The following ESCO1 variants were observed in gnomAD, a reference collection of about 807,000 sequenced individuals.
The protein encoded by ESCO1 is establishment of sister chromatid cohesion N-acetyltransferase 1.
ESCO1 carries 33 observed loss-of-function variants against 83.5 expected under a neutral mutation model. That is an observed-to-expected ratio of 0.40 (90% confidence interval 0.30 to 0.53). ESCO1 has a LOEUF of 0.53. Ranked by LOEUF, ESCO1 falls within the 20% of genes least tolerant of loss-of-function variation. ESCO1 has a pLI of 0.63. For synonymous variants in ESCO1, 332 were observed against 324.3 expected (o/e 1.02, Z -0.25); for missense variants, 855 against 968.0 (o/e 0.88, Z 1.55).
At chr18:21,531,544 A>C (rs2037766710) in intron 11 of ESCO1, among the ~76,000 whole-genome samples, 1 of 148,616 alleles carries the variant, frequency 6.7e-6, no homozygotes, top group African/African-American at 2.5e-5. Context: ...CTAGGGCCAG[A>C]CGCGATGGCT....
chr18:21,570,431 A>G (rs2038324619), intron 4 of ESCO1, among the ~76,000 whole-genome samples: 1 of 152,220 alleles, frequency 6.6e-6, no homozygotes, highest in Admixed American at 6.5e-5. Flanking sequence ...AAGAAAAGAT[A>G]AACTTGTTGT....
rs535430740 is a variant in ESCO1, at chr18:21,539,287, T to TA, written c.2043+632_2043+633insT. Among the ~76,000 whole-genome samples, 322 of 152,314 alleles carry TA rather than the reference T, an allele frequency of 2.1e-3. 1 individual carries two copies. The highest frequency in any genetic ancestry group is 7.5e-3 in the African/African-American group (313 of 41,578). On this transcript the variant is annotated intron_variant, in intron 9 of 11. Transcript: ENST00000269214. The stretch of plus-strand genomic sequence containing the variant: ...CAAATTATTATAATTCAGCTTTTAT[T>TA]TCTGATCGTGAAATCTTTTAGTTGG...
At position 21,536,030 on chromosome 18, in the gene ESCO1, T is replaced by C; in HGVS notation, c.2187+12A>G. 1.2e-6 allele frequency: 2 copies of C among 1,612,584 alleles called. No homozygotes were observed. The highest frequency in any genetic ancestry group is 1.7e-6 in the Non-Finnish European group (2 of 1,179,444). ...ACACCAAATTACTTAAGAACACTCT[T>C]TTATCACTTACCCATTGGATATGTT... On this transcript the variant is annotated intron_variant, in intron 10 of 11. Transcript: ENST00000269214.
In ESCO1 at chr18:21,535,217, A is replaced by AT. The variant is rs71178182; in HGVS notation, c.2187+824dup. On this transcript the variant is annotated intron_variant, in intron 10 of 11. Coordinates refer to ENST00000269214, the MANE Select transcript of ESCO1 (RefSeq NM_052911.3). ...CAAAATAAACTTTGATAGTATTCTG[A>AT]TTTTTTTTTTTTTTTGAGACGGAGT... Among the ~76,000 whole-genome samples the AT allele has an allele frequency of 2.7e-3, 387 of 142,496 alleles. 1 individual carries two copies. Among genetic ancestry groups the AT allele is most frequent in the Middle Eastern group, 0.014 (4 of 280 alleles). The allele number at this position is 142,496 out of a possible 152,430, so 93.5% of individuals were successfully genotyped here.
At chr18:21,592,410 G>A (rs1269879704) in intron 1 of ESCO1, among the ~76,000 whole-genome samples, 4 of 148,174 alleles carry the variant, frequency 2.7e-5, no homozygotes, top group African/African-American at 5.0e-5. Flanking sequence ...CAGATGGGGC[G>A]GCTGGCCGGG....
At chr18:21,542,046 A>T (rs1279855481) in intron 8 of ESCO1, among the ~76,000 whole-genome samples, 1 of 152,218 alleles carries the variant, frequency 6.6e-6, no homozygotes, top group Non-Finnish European at 1.5e-5. Flanking sequence ...TCACAATTCC[A>T]TTTGATATAA....
intron 11 of ESCO1, among the ~76,000 whole-genome samples, chr18:21,532,211 T>C (rs979357529): frequency 2.0e-5 from 3 of 152,216 alleles, no homozygotes; most frequent in African/African-American, 2.4e-5. Flanking sequence ...GCAGGTTATT[T>C]TGGCCTAACA....
At chr18:21,557,749 AGTTCCTGATAG>A (rs953457626) in intron 8 of ESCO1, among the ~76,000 whole-genome samples, 15 of 152,338 alleles carry the variant, frequency 9.8e-5, no homozygotes, top group Non-Finnish European at 1.5e-4. Flanking sequence ...AATATAGCTG[AGTTCCTGATAG>A]GTTCCTGATA....
At chr18:21,530,992 A>G (rs2037760278) in intron 11 of ESCO1, among the ~76,000 whole-genome samples, 1 of 152,222 alleles carries the variant, frequency 6.6e-6, no homozygotes, top group Non-Finnish European at 1.5e-5. Flanking sequence ...ATCCTAAAAA[A>G]TTCACAAAAA....
At chr18:21,571,785 A>G (rs1306325853) in intron 4 of ESCO1, among the ~76,000 whole-genome samples, 1 of 152,214 alleles carries the variant, frequency 6.6e-6, no homozygotes, top group Non-Finnish European at 1.5e-5. Flanking sequence ...GCACAAAGCC[A>G]CAACTTATTA....
At position 21,574,957 on chromosome 18, in the gene ESCO1, C is replaced by T; in HGVS notation, c.-114G>A. 1.3e-6 allele frequency: 1 copy of T among 752,428 alleles called. No homozygotes were observed. The highest frequency in any genetic ancestry group is 2.0e-6 in the Non-Finnish European group (1 of 489,074). The allele number at this position is 752,428 out of a possible 1,614,324, so 46.6% of individuals were successfully genotyped here. ...CTGAGGAGCAGGTCTGAAAAATCAACTTTAACTGATGCTGATATACATTTT... is the reference window on the plus strand; with the variant it reads ...CTGAGGAGCAGGTCTGAAAAATCAATTTTAACTGATGCTGATATACATTTT... On this transcript the variant is annotated 5_prime_UTR_variant, in exon 4 of 12. Coordinates refer to ENST00000269214, the MANE Select transcript of ESCO1 (RefSeq NM_052911.3).
chr18:21,565,259 CTAAA>C (rs1433602356), intron 6 of ESCO1, among the ~76,000 whole-genome samples: 3 of 152,184 alleles, frequency 2.0e-5, no homozygotes, highest in East Asian at 1.9e-4. Flanking sequence ...CCAATTTGTA[CTAAA>C]TACTGTTTGT....
intron 2 of ESCO1, among the ~76,000 whole-genome samples, chr18:21,582,517 A>G (rs2038516637): frequency 6.6e-6 from 1 of 152,174 alleles, no homozygotes; most frequent in African/African-American, 2.4e-5. Flanking sequence ...AGGCATTACC[A>G]TGTCCAGCCA....
chr18:21,532,552 T>C lies in ESCO1; in HGVS notation c.2296A>G (p.Ile766Val), dbSNP rs1296787931. Residue 766 changes from isoleucine (I) to valine (V), a missense_variant, in exon 11 of 12, where the codon ATC (isoleucine) becomes GTC (valine). Ile to Val is a conservative substitution (Grantham distance 29). This residue lies in a region of ESCO1 where 129 missense variants were observed against 268.5 expected (regional missense o/e 0.48). Coordinates refer to ENST00000269214, the MANE Select transcript of ESCO1 (RefSeq NM_052911.3). ...ACCCATATTCGACTGATCCCGCAGA[T>C]TGCAGGCTCTGGTAATGTTGAGCAG... is the stretch of plus-strand genomic sequence containing the variant. The part of the protein sequence containing the change: ...WCCSTLPEPA[I>V]CGISRIWVFS... 6.8e-6 allele frequency: 11 copies of C among 1,614,180 alleles called. No individual in the cohort carries two copies. Among genetic ancestry groups the C allele is most frequent in the East Asian group, 2.2e-5 (1 of 44,886 alleles).
intron 6 of ESCO1, among the ~76,000 whole-genome samples, chr18:21,564,857 C>A (rs1054235738): frequency 6.6e-6 from 1 of 151,408 alleles, no homozygotes; most frequent in African/African-American, 2.4e-5. Context: ...CTCAGGAGAT[C>A]GCGACCAGCC....
intron 7 of ESCO1, 109 bp downstream of exon 7, chr18:21,564,094 C>A: frequency 2.7e-6 from 2 of 742,884 alleles, no homozygotes; most frequent in South Asian, 3.3e-5. Flanking sequence ...GCCAAATAAA[C>A]CTCTTTTCTA....
Position 21,574,495 on chromosome 18 carries a change from G to C in ESCO1, c.349C>G (p.Gln117Glu), listed in dbSNP as rs1443163071. 6 of 1,614,022 alleles carry C rather than the reference G, an allele frequency of 3.7e-6. No homozygotes were observed. Among genetic ancestry groups the C allele is most frequent in the Non-Finnish European group, 4.2e-6 (5 of 1,180,010 alleles). The change falls in exon 4 of 12, where the codon CAG (glutamine) becomes GAG (glutamate). Residue 117 changes from glutamine (Q) to glutamate (E), a missense_variant. Around this residue, in one of 2 missense-constraint regions of ESCO1, gnomAD observed 726 missense variants for 699.5 expected, o/e 1.04. Transcript: ENST00000269214. ...LVHENPKANE[Q>E]LNRRSQRLQQ... ...AGCCTTTGTGATCTCCGGTTAAGCT[G>C]TTCATTTGCTTTAGGGTTTTCATGT... is the stretch of plus-strand genomic sequence containing the variant.
chr18:21,564,150 T>C, intron 7 of ESCO1, 53 bp downstream of exon 7: 4 of 1,135,204 alleles, frequency 3.5e-6, no homozygotes, highest in Non-Finnish European at 5.2e-6. Context: ...ACATGAAATA[T>C]ACTAAGATGG....
Position 21,574,368 on chromosome 18 carries a change from T to C in ESCO1, c.476A>G (p.Gln159Arg), listed in dbSNP as rs2038388795. 6.2e-7 allele frequency: 1 copy of C among 1,613,996 alleles called. No homozygotes were observed. Among genetic ancestry groups the C allele is most frequent in the African/African-American group, 1.3e-5 (1 of 74,938 alleles). Reference protein sequence around the residue: ...KQSLPPTKKEQCSSTQSKSNK... With the variant: ...KQSLPPTKKERCSSTQSKSNK... Reference sequence around the variant, plus strand: ...AGATTTACTCTGAGTACTGCTACACTGCTCTTTTTTAGTTGGTGGCAAACT... The same window carrying C: ...AGATTTACTCTGAGTACTGCTACACCGCTCTTTTTTAGTTGGTGGCAAACT... Residue 159 changes from glutamine (Q) to arginine (R), a missense_variant, in exon 4 of 12, where the codon CAG becomes CGG. Gln to Arg is a conservative substitution (Grantham distance 43). Transcript: ENST00000269214.
Sources: allele counts gnomAD v4.1 joint callset (sites outside exome capture counted in the v4.1 genomes callset), GRCh38; gene constraint gnomAD v4.1.1; regional missense constraint gnomAD v4.1.1; transcripts MANE v1.5; gene names NCBI Gene and HGNC (gene_info 2026-07-23, HGNC 2026-07-21).